The following RBFOX1 variants were observed in gnomAD, a reference collection of about 807,000 sequenced individuals.
RBFOX1 encodes RNA binding fox-1 homolog 1.
RBFOX1 carries 8 observed loss-of-function variants against 57.7 expected under a neutral mutation model. That is an observed-to-expected ratio of 0.14 (90% CI 0.08 to 0.25). The LOEUF (loss-of-function observed/expected upper bound fraction) is 0.25. Among genes scored for constraint, RBFOX1 ranks in the 10% least tolerant of loss-of-function variants. The probability of loss-of-function intolerance (pLI) is 1.00; values close to 1 mark genes in which losing one functional copy is unlikely to be tolerated. For synonymous variants in RBFOX1, 326 were observed against 222.4 expected (o/e 1.47, Z -4.15); for missense variants, 611 against 548.5 (o/e 1.11, Z -1.14).
chr16:7,256,403 C>T lies in RBFOX1; in HGVS notation c.27+204305C>T, dbSNP rs528876722. Among the ~76,000 whole-genome samples the T allele has an allele frequency of 4.6e-5, 7 of 152,256 alleles. No homozygotes were observed. In the East Asian group the frequency reaches 7.7e-4, roughly 17 times the overall value. On this transcript the variant is annotated intron_variant, in intron 4 of 15. Coordinates refer to ENST00000550418, the MANE Select transcript of RBFOX1 (RefSeq NM_018723.4). Reference sequence around the variant, plus strand: ...TTTCAATCTCTTTGAAAGACAAAGGCGGCTGTCATGGGAGAAGCCTACACT... The same window carrying T: ...TTTCAATCTCTTTGAAAGACAAAGGTGGCTGTCATGGGAGAAGCCTACACT...
At position 6,110,945 on chromosome 16, in the gene RBFOX1, GA is replaced by G. The variant is rs574588190; in HGVS notation, c.-127+90957del. Among the ~76,000 whole-genome samples the G allele has an allele frequency of 3.9e-5, 6 of 152,286 alleles. No homozygotes were observed. In the South Asian group the frequency reaches 1.2e-3, roughly 32 times the overall value. The stretch of plus-strand genomic sequence containing the variant: ...GCAAAATGCTAGTGTGGAGTAAAGG[GA>G]AAAGCATGTGCAGAAAACAGTATTT... On this transcript the variant is annotated intron_variant, in intron 1 of 15. Transcript: ENST00000550418.
At chr16:7,117,605 G>A (rs954631331) in intron 4 of RBFOX1, among the ~76,000 whole-genome samples, 3 of 152,136 alleles carry the variant, frequency 2.0e-5, no homozygotes, top group African/African-American at 7.2e-5. Context: ...AATTAATACT[G>A]AGCTCATAGA....
rs201617630 is a variant in RBFOX1, at chr16:6,433,846, CTT to C, written c.-64+116806_-64+116807del. On this transcript the variant is annotated intron_variant, in intron 2 of 15. Transcript: ENST00000550418. Reference sequence around the variant, plus strand: ...CTAGCTCCAACCTCTTTTCATTTTTCTTTTTTTTTTTTTTTTTTGAGATGGGG... The same window carrying C: ...CTAGCTCCAACCTCTTTTCATTTTTCTTTTTTTTTTTTTTTTGAGATGGGG... 7.6e-4 allele frequency among the ~76,000 whole-genome samples: 97 copies of C among 127,140 alleles called. No homozygotes were observed. The East Asian group carries it at 9.6e-3, about 13-fold the overall frequency. The allele number at this position is 127,140 out of a possible 152,430, so 83.4% of individuals were successfully genotyped here. A position where few individuals can be genotyped will look rare whatever the true frequency, so the allele number is the denominator to read the frequency against.
chr16:5,341,503 T>C (rs1322864901), intron 1 of RBFOX1, among the ~76,000 whole-genome samples: 2 of 152,042 alleles, frequency 1.3e-5, no homozygotes, highest in Admixed American at 6.6e-5. Flanking sequence ...TGGGGATGGA[T>C]TGGATGTGGG....
chr16:7,698,071 C>T (rs189842313), intron 14 of RBFOX1, among the ~76,000 whole-genome samples: 2 of 152,196 alleles, frequency 1.3e-5, no homozygotes, highest in East Asian at 1.9e-4. Flanking sequence ...TAGGTTAATT[C>T]ACCAGACGTC....
At chr16:6,893,678 C>G (rs1456246265) in intron 3 of RBFOX1, among the ~76,000 whole-genome samples, 2 of 152,138 alleles carry the variant, frequency 1.3e-5, no homozygotes, top group Admixed American at 6.5e-5. Context: ...CAGAACTGTA[C>G]TTTATCAATG....
At chr16:6,414,707 A>G (rs984845553) in intron 2 of RBFOX1, among the ~76,000 whole-genome samples, 3 of 152,330 alleles carry the variant, frequency 2.0e-5, no homozygotes, top group Admixed American at 1.3e-4. Flanking sequence ...GGCCCTGTAC[A>G]TATAATACAG....
chr16:6,880,958 TAAC>T (rs998132121), intron 3 of RBFOX1, among the ~76,000 whole-genome samples: 3 of 152,136 alleles, frequency 2.0e-5, no homozygotes, highest in African/African-American at 4.8e-5. Context: ...TTCAATCTAA[TAAC>T]AGTTTTTCAA....
chr16:7,251,285 G>A (rs1473911786), intron 4 of RBFOX1, among the ~76,000 whole-genome samples: 1 of 152,016 alleles, frequency 6.6e-6, no homozygotes, highest in Non-Finnish European at 1.5e-5. Context: ...TTCTGTGTGT[G>A]GCTTATTTCA....
chr16:6,966,344 A>C (rs569104912), intron 3 of RBFOX1, among the ~76,000 whole-genome samples: 2 of 152,182 alleles, frequency 1.3e-5, no homozygotes, highest in East Asian at 3.9e-4. Flanking sequence ...CTCTCAGAGC[A>C]CACACAGTCT....
At chr16:7,069,496 C>G (rs1209125189) in intron 4 of RBFOX1, among the ~76,000 whole-genome samples, 1 of 152,168 alleles carries the variant, frequency 6.6e-6, no homozygotes, top group African/African-American at 2.4e-5. Context: ...TGGCTTCCAG[C>G]TTCATCTATG....
At chr16:6,940,929 G>C (rs4786129) in intron 3 of RBFOX1, among the ~76,000 whole-genome samples, 21,747 of 150,008 alleles carry the variant, frequency 0.14, 2,123 homozygotes, top group Non-Finnish European at 0.2. Context: ...GGATGGTTTC[G>C]ATCTCCTGAC....
chr16:7,009,975 T>G (rs949977132), intron 3 of RBFOX1, among the ~76,000 whole-genome samples: 2 of 151,992 alleles, frequency 1.3e-5, no homozygotes, highest in African/African-American at 4.8e-5. Context: ...TATTGGGAGG[T>G]AAGGCTTCCT....
chr16:7,306,814 C>T (rs562600425), intron 4 of RBFOX1, among the ~76,000 whole-genome samples: 1 of 152,272 alleles, frequency 6.6e-6, no homozygotes, highest in East Asian at 1.9e-4. Context: ...GCATTCCAGA[C>T]AATCGGCTGA....
chr16:5,568,708 C>G (rs367697608), intron 2 of RBFOX1, among the ~76,000 whole-genome samples: 3 of 152,342 alleles, frequency 2.0e-5, no homozygotes, highest in South Asian at 2.1e-4. Context: ...TATTCTTCTT[C>G]TGCTCTCAGA....
intron 1 of RBFOX1, among the ~76,000 whole-genome samples, chr16:6,256,994 G>A (rs767407413): frequency 2.0e-5 from 3 of 152,166 alleles, no homozygotes; most frequent in Non-Finnish European, 4.4e-5. Flanking sequence ...GTAGATGTGA[G>A]ATTTGTAGGA....
At chr16:6,989,282 T>G (rs2090992433) in intron 3 of RBFOX1, among the ~76,000 whole-genome samples, 1 of 152,218 alleles carries the variant, frequency 6.6e-6, no homozygotes, top group Admixed American at 6.5e-5. Flanking sequence ...AGTATGGATC[T>G]GGATAATTTG....
intron 2 of RBFOX1, among the ~76,000 whole-genome samples, chr16:6,342,103 C>G (rs892063871): frequency 3.3e-5 from 5 of 152,170 alleles, no homozygotes; most frequent in Admixed American, 6.5e-5. Flanking sequence ...CAAATTCAAA[C>G]AGGAATTGGC....
intron 4 of RBFOX1, among the ~76,000 whole-genome samples, chr16:7,481,086 A>T (rs1021684433): frequency 6.6e-6 from 1 of 152,084 alleles, no homozygotes; most frequent in African/African-American, 2.4e-5. Flanking sequence ...TGCTCCTTAC[A>T]TCTGGACAGT....
Sources: gnomAD v4.1 joint callset for allele counts (sites outside exome capture counted in the v4.1 genomes callset) on GRCh38, gnomAD v4.1.1 for gene constraint, MANE v1.5 for transcripts, NCBI Gene and HGNC (gene_info 2026-07-23, HGNC 2026-07-21) for gene names.